Variants in PTPRM observed in about 807,000 individuals in gnomAD.
PTPRM encodes the protein protein tyrosine phosphatase receptor type M.
PTPRM carries 47 observed loss-of-function variants against 186.7 expected under a neutral mutation model. The observed-to-expected ratio is 0.25, with a 90% CI of 0.20 to 0.32. PTPRM has a LOEUF of 0.32. Ranked by LOEUF, PTPRM falls within the 10% of genes least tolerant of loss-of-function variation. The probability of loss-of-function intolerance (pLI) is 1.00; values close to 1 mark genes in which losing one functional copy is unlikely to be tolerated. For synonymous variants in PTPRM, 668 were observed against 674.9 expected (o/e 0.99, Z 0.16); for missense variants, 1,494 against 1,865.0 (o/e 0.80, Z 3.66).
intron 14 of PTPRM, among the ~76,000 whole-genome samples, chr18:8,146,734 G>T (rs762341881): frequency 6.6e-6 from 1 of 152,162 alleles, no homozygotes; most frequent in African/African-American, 2.4e-5. Flanking sequence ...GTCCATGCCT[G>T]TGCTCTGAAT....
chr18:8,369,431 G>A (rs1358904913), intron 23 of PTPRM, among the ~76,000 whole-genome samples: 1 of 152,170 alleles, frequency 6.6e-6, no homozygotes, highest in Non-Finnish European at 1.5e-5. Context: ...TGTGGCAGAG[G>A]GATTAAGAAG....
At chr18:8,274,945 C>T (rs767443678) in intron 19 of PTPRM, among the ~76,000 whole-genome samples, 1 of 152,178 alleles carries the variant, frequency 6.6e-6, no homozygotes, top group Non-Finnish European at 1.5e-5. Flanking sequence ...ATTTACGAGA[C>T]ATATATGATT....
At position 7,888,983 on chromosome 18, in the gene PTPRM, G is replaced by A. The variant is rs79102304; in HGVS notation, c.468+606G>A. On this transcript the variant is annotated intron_variant, in intron 3 of 32. Coordinates refer to ENST00000580170, the MANE Select transcript of PTPRM (RefSeq NM_001105244.2). ...AGAATACAAAAAGGAGGGGAGCAAG[G>A]GTGGAAAAACTAACTTTTGGGTGCT... is the stretch of plus-strand genomic sequence containing the variant. 1.7e-3 allele frequency among the ~76,000 whole-genome samples: 261 copies of A among 152,198 alleles called. 1 individual carries two copies. Among genetic ancestry groups the A allele is most frequent in the African/African-American group, 6.0e-3 (249 of 41,534 alleles).
At chr18:8,037,130 T>A (rs191156061) in intron 7 of PTPRM, among the ~76,000 whole-genome samples, 1 of 152,172 alleles carries the variant, frequency 6.6e-6, no homozygotes, top group African/African-American at 2.4e-5. Context: ...ACATCTAAGA[T>A]AAGGAGAAAA....
intron 13 of PTPRM, among the ~76,000 whole-genome samples, chr18:8,140,543 C>T (rs1484309814): frequency 6.6e-6 from 1 of 150,562 alleles, no homozygotes; most frequent in African/African-American, 2.5e-5. Flanking sequence ...TTTTCTTGGC[C>T]ATTATAAAAA....
At chr18:8,110,412 A>T (rs139063495) in intron 11 of PTPRM, among the ~76,000 whole-genome samples, 7 of 152,298 alleles carry the variant, frequency 4.6e-5, no homozygotes, top group African/African-American at 1.7e-4. Context: ...CATTGCCTTG[A>T]GGAGAACTAC....
intron 1 of PTPRM, among the ~76,000 whole-genome samples, chr18:7,572,547 T>G (rs1483940094): frequency 6.6e-6 from 1 of 152,190 alleles, no homozygotes; most frequent in Non-Finnish European, 1.5e-5. Context: ...TCAATTTTTG[T>G]TTTAGATTTC....
At chr18:7,851,584 T>C (rs968393877) in intron 2 of PTPRM, among the ~76,000 whole-genome samples, 9 of 152,016 alleles carry the variant, frequency 5.9e-5, no homozygotes, top group African/African-American at 2.2e-4. Context: ...CAACCCAGAA[T>C]TCTACTTCTA....
intron 19 of PTPRM, among the ~76,000 whole-genome samples, chr18:8,284,936 T>C (rs1011443437): frequency 6.6e-6 from 1 of 152,166 alleles, no homozygotes; most frequent in African/African-American, 2.4e-5. Flanking sequence ...AATCTTCTGA[T>C]TTATAATTAT....
At chr18:8,078,995 C>A (rs190750838) in intron 9 of PTPRM, among the ~76,000 whole-genome samples, 1 of 152,310 alleles carries the variant, frequency 6.6e-6, no homozygotes, top group Non-Finnish European at 1.5e-5. Context: ...AACATCCAGA[C>A]CATATCAGTG....
intron 14 of PTPRM, among the ~76,000 whole-genome samples, chr18:8,236,447 A>G (rs1267734906): frequency 6.6e-6 from 1 of 152,102 alleles, no homozygotes; most frequent in Non-Finnish European, 1.5e-5. Context: ...CTTTACTTTT[A>G]ATCTATGTGT....
Position 7,994,242 on chromosome 18 carries a change from C to G in PTPRM, c.1132+38828C>G, listed in dbSNP as rs554118162. Among the ~76,000 whole-genome samples, 106 of 148,798 alleles carry G rather than the reference C, an allele frequency of 7.1e-4. 1 individual carries two copies. The Middle Eastern group carries it at 0.02, about 29-fold the overall frequency. On this transcript the variant is annotated intron_variant, in intron 7 of 32. Coordinates refer to ENST00000580170, the MANE Select transcript of PTPRM (RefSeq NM_001105244.2). Reference sequence around the variant, plus strand: ...GATCAGTACATAATTATAAAGGGATCAATTCAGCAAGAGGATATAAATAAC... The same window carrying G: ...GATCAGTACATAATTATAAAGGGATGAATTCAGCAAGAGGATATAAATAAC...
At chr18:7,707,908 A>G (rs892378931) in intron 1 of PTPRM, among the ~76,000 whole-genome samples, 2 of 152,188 alleles carry the variant, frequency 1.3e-5, no homozygotes, top group Admixed American at 6.5e-5. Context: ...TGCCACTACA[A>G]TATTTCATTT....
chr18:7,973,892 T>C (rs2054745187), intron 7 of PTPRM, among the ~76,000 whole-genome samples: 1 of 152,138 alleles, frequency 6.6e-6, no homozygotes, highest in African/African-American at 2.4e-5. Flanking sequence ...TTAGAAGATA[T>C]TTTTCTACAT....
At chr18:8,251,908 A>G (rs779449068) in intron 17 of PTPRM, 2 of 152,344 alleles carry the variant, frequency 1.3e-5, no homozygotes, top group African/African-American at 2.4e-5. Flanking sequence ...TTCTCATTTT[A>G]AGTGACTTTA....
intron 2 of PTPRM, among the ~76,000 whole-genome samples, chr18:7,865,241 G>A (rs9966448): frequency 0.078 from 11,940 of 152,116 alleles, 587 homozygotes; most frequent in African/African-American, 0.15. Context: ...TGTGTTGAAT[G>A]GGAGTGGTGA....
Position 8,345,419 on chromosome 18 carries a change from A to G in PTPRM, c.3054+1899A>G, listed in dbSNP as rs11665083. ...ATAGCCAATAGCAGATTTTTTTTGT[A>G]CTGCAATAGAATAATATGAATAACA... On this transcript the variant is annotated intron_variant, in intron 23 of 32. Coordinates refer to ENST00000580170, the MANE Select transcript of PTPRM (RefSeq NM_001105244.2). 2.4e-3 allele frequency among the ~76,000 whole-genome samples: 361 copies of G among 152,184 alleles called. 2 individuals carry two copies. The highest frequency in any genetic ancestry group is 4.6e-3 in the Non-Finnish European group (314 of 67,970).
At chr18:7,821,893 C>G (rs1430364420) in intron 2 of PTPRM, among the ~76,000 whole-genome samples, 1 of 152,140 alleles carries the variant, frequency 6.6e-6, no homozygotes, top group Non-Finnish European at 1.5e-5. Context: ...CTGCTTAGAA[C>G]AATGCACAGC....
chr18:8,031,083 T>G (rs2148058742), intron 7 of PTPRM, among the ~76,000 whole-genome samples: 1 of 152,354 alleles, frequency 6.6e-6, no homozygotes, highest in Admixed American at 6.5e-5. Context: ...TTTGAGAAAT[T>G]TAAGCAATTA....
Sources: allele counts gnomAD v4.1 joint callset (sites outside exome capture counted in the v4.1 genomes callset), GRCh38; gene constraint gnomAD v4.1.1; transcripts MANE v1.5; gene names NCBI Gene and HGNC (gene_info 2026-07-23, HGNC 2026-07-21).